The following C5 variants were observed in gnomAD, a reference collection of about 807,000 sequenced individuals.
The protein encoded by C5 is complement C5.
In C5, 140 loss-of-function variants were observed where a neutral mutation model predicts 218.8. The ratio of observed to expected loss-of-function variants is 0.64; its 90% CI spans 0.56 to 0.74. The LOEUF (loss-of-function observed/expected upper bound fraction) is 0.74, where lower values mean the gene tolerates loss of function less well. C5 is among the 30% of genes least tolerant of loss of function. C5 has a pLI of 0.00. For missense variants in C5, 1,700 were observed against 1,969.6 expected (o/e 0.86, Z 2.59); for synonymous variants, 614 against 682.3 (o/e 0.90, Z 1.56).
intron 4 of C5, among the ~76,000 whole-genome samples, chr9:121,035,240 A>C (rs191462196): frequency 1.3e-5 from 2 of 152,204 alleles, no homozygotes; most frequent in East Asian, 3.8e-4. Context: ...GATAAACTAA[A>C]TGTGAATTTT....
At chr9:121,054,464 G>C (rs1363106371), upstream of C5, among the ~76,000 whole-genome samples, 2 of 152,156 alleles carry the variant, frequency 1.3e-5, no homozygotes, top group Non-Finnish European at 2.9e-5. Context: ...GCTGGGTGTG[G>C]TGACAGGTGC....
At chr9:121,035,839 G>C (rs1174853422) in intron 4 of C5, among the ~76,000 whole-genome samples, 1 of 151,900 alleles carries the variant, frequency 6.6e-6, no homozygotes, top group Non-Finnish European at 1.5e-5. Flanking sequence ...GCCTCCCAAA[G>C]TGCTGGGATT....
intron 36 of C5, among the ~76,000 whole-genome samples, chr9:120,962,330 G>C (rs969111759): frequency 6.6e-6 from 1 of 152,132 alleles, no homozygotes; most frequent in Non-Finnish European, 1.5e-5. Context: ...TGTTCTGGGG[G>C]GATTGAGTTG....
At chr9:121,039,943 G>A (rs900558309) in intron 3 of C5, among the ~76,000 whole-genome samples, 1 of 152,214 alleles carries the variant, frequency 6.6e-6, no homozygotes, top group African/African-American at 2.4e-5. Flanking sequence ...GGCCTTGAAT[G>A]CCTTCTAATG....
At chr9:121,063,140 T>C in the C5 span, among the ~76,000 whole-genome samples, 6 of 151,246 alleles carry the variant, frequency 4.0e-5, no homozygotes, top group East Asian at 1.2e-3. Flanking sequence ...ATACCAAAGG[T>C]CTGTCTTTAT....
intron 33 of C5, among the ~76,000 whole-genome samples, 154 bp downstream of exon 33, chr9:120,968,907 A>G (rs923823481): frequency 1.3e-5 from 2 of 152,252 alleles, no homozygotes; most frequent in Non-Finnish European, 2.9e-5. Flanking sequence ...TATGGTAAGT[A>G]GCAATTTAAG....
chr9:121,074,581 G>C, the C5 span, among the ~76,000 whole-genome samples: 4 of 152,222 alleles, frequency 2.6e-5, no homozygotes, highest in East Asian at 5.8e-4. Flanking sequence ...AGTGGGGGAG[G>C]CCGGGGAGGC....
At chr9:121,015,442 T>C (rs2047299286) in intron 15 of C5, among the ~76,000 whole-genome samples, 181 bp from the exon 16 acceptor site, 1 of 152,184 alleles carries the variant, frequency 6.6e-6, no homozygotes, top group African/African-American at 2.4e-5. Flanking sequence ...TGTTTTATCT[T>C]AGTGGAGTTC....
chr9:121,046,412 A>G (rs2047628357), intron 1 of C5, 29 bp from the exon 2 acceptor site: 4 of 1,424,104 alleles, frequency 2.8e-6, no homozygotes, highest in Middle Eastern at 1.8e-4. Context: ...ATAAGGCTCA[A>G]TGTCTTTATA....
chr9:120,981,867 C>T lies in C5; in HGVS notation c.3463G>A (p.Ala1155Thr), dbSNP rs200624729. ...TAFTVIGIRK[A>T]FDICPLVKID... is the part of the protein sequence containing the mutation. The stretch of plus-strand genomic sequence containing the variant: ...ACCACCAGGGGGCATATATCGAAAG[C>T]CTTTCTAATTCCAATCACAGTAAAG... The change falls in exon 27 of 41, where the codon GCT (alanine) becomes ACT (threonine). Residue 1155 changes from alanine to threonine, a missense_variant. Transcript: ENST00000223642. 233 of 1,613,680 alleles carry T rather than the reference C, an allele frequency of 1.4e-4. 5 individuals are homozygous for T. Among genetic ancestry groups the T allele is most frequent in the South Asian group, 1.2e-3 (111 of 91,078 alleles).
chr9:121,041,273 T>C (rs2047576928), intron 3 of C5, among the ~76,000 whole-genome samples: 1 of 140,556 alleles, frequency 7.1e-6, no homozygotes, highest in African/African-American at 2.7e-5. Flanking sequence ...AGTAAAGTCC[T>C]GATAGAGAAA....
the C5 span, among the ~76,000 whole-genome samples, chr9:121,066,779 G>T: frequency 6.6e-6 from 1 of 151,568 alleles, no homozygotes; most frequent in Non-Finnish European, 1.5e-5. Context: ...AAACCTGGGA[G>T]GTGGAGGTTA....
rs1274211204 is a variant in C5, at chr9:120,981,464, T to G, written c.3486+380A>C. On this transcript the variant is annotated intron_variant, in intron 27 of 40. Coordinates refer to ENST00000223642, the MANE Select transcript of C5 (RefSeq NM_001735.3). Reference sequence around the variant, plus strand: ...TGCATGATACAGAATGCTTTCACTATAGGATAACAGTAACATATAAAGCAG... The same window carrying G: ...TGCATGATACAGAATGCTTTCACTAGAGGATAACAGTAACATATAAAGCAG... Among the ~76,000 whole-genome samples, 3 of 152,204 alleles carry G rather than the reference T, an allele frequency of 2.0e-5. No homozygotes were observed. In the East Asian group the frequency reaches 5.8e-4, roughly 29 times the overall value.
chr9:121,020,137 T>C lies in C5; in HGVS notation c.1345A>G (p.Arg449Gly), dbSNP rs2230213. The C allele has an allele frequency of 5.1e-3, 8,292 of 1,614,052 alleles. 409 individuals carry two copies. The African/African-American group carries it at 0.099, about 19-fold the overall frequency. The change falls in exon 12 of 41, where the codon AGG (arginine) becomes GGG (glycine). Residue 449 changes from arginine (R) to glycine (G), a missense_variant. By Grantham distance (125) the Arg-to-Gly change is moderately radical. Transcript: ENST00000223642. ...TATGCTATTGCTCGGTAACCTTCCC[T>C]GGCCTGATTTTCTTCTGGAAGATCT... is the stretch of plus-strand genomic sequence containing the variant. ...APDLPEENQA[R>G]EGYRAIAYSS...
At chr9:121,070,056 G>C in the C5 span, among the ~76,000 whole-genome samples, 1 of 152,032 alleles carries the variant, frequency 6.6e-6, no homozygotes, top group Admixed American at 6.6e-5. Flanking sequence ...TCCAACAGAT[G>C]AATGGATAAA....
chr9:121,017,682 G>C lies in C5; in HGVS notation c.1677C>G (p.Val559=), dbSNP rs2047319922. The C allele has an allele frequency of 6.2e-7, 1 of 1,613,668 alleles. No homozygotes were observed. Among genetic ancestry groups the C allele is most frequent in the Non-Finnish European group, 8.5e-7 (1 of 1,179,850 alleles). ...EQTAELVSDS[V]WLNIEEKCGN... ...CACATTTTTCTTCAATATTTAACCA[G>C]ACTGAATCAGACACTAATTCTGCTG... Residue 559 remains valine, a synonymous_variant, in exon 13 of 41, where the codon GTC becomes GTG. Coordinates refer to ENST00000223642, the MANE Select transcript of C5 (RefSeq NM_001735.3).
intron 39 of C5, among the ~76,000 whole-genome samples, chr9:120,955,373 G>A (rs751269382): frequency 6.6e-6 from 1 of 152,126 alleles, no homozygotes; most frequent in Non-Finnish European, 1.5e-5. Context: ...GGAACCATCC[G>A]ATGCTATGAA....
intron 20 of C5, among the ~76,000 whole-genome samples, chr9:121,002,191 C>T (rs1377382593): frequency 4.0e-5 from 5 of 123,972 alleles, no homozygotes; most frequent in African/African-American, 5.7e-5. Flanking sequence ...TAGATATGTA[C>T]ATATACGTAT....
At chr9:121,055,830 G>A in the C5 span, among the ~76,000 whole-genome samples, 305 of 152,332 alleles carry the variant, frequency 2.0e-3, 1 homozygote, top group African/African-American at 7.0e-3. Context: ...TGTAATGCCA[G>A]CTGTGGCCAG....
Sources: gnomAD v4.1 joint callset for allele counts (sites outside exome capture counted in the v4.1 genomes callset) on GRCh38, gnomAD v4.1.1 for gene constraint, MANE v1.5 for transcripts, NCBI Gene and HGNC (gene_info 2026-07-23, HGNC 2026-07-21) for gene names.